The following LINGO2 variants were observed in gnomAD, a reference collection of about 807,000 sequenced individuals.
LINGO2 encodes leucine-rich repeat and immunoglobulin-like domain-containing nogo receptor-interacting protein 2.
A neutral mutation model predicts 30.6 loss-of-function variants in LINGO2; 14 were observed. The observed-to-expected ratio is 0.46, with a 90% CI of 0.30 to 0.72. LINGO2 has a LOEUF of 0.72. LINGO2 is among the 30% of genes least tolerant of loss of function. The pLI is 0.07. For missense variants in LINGO2, 729 were observed against 751.7 expected, an observed-to-expected ratio of 0.97 and a Z score of 0.35; for synonymous variants, 317 against 288.5, an observed-to-expected ratio of 1.10 and a Z score of -1.00.
rs1350799884 is a variant in LINGO2, at chr9:28,652,278, A to G, written c.-365+17922T>C. 2.0e-5 allele frequency among the ~76,000 whole-genome samples: 3 copies of G among 152,134 alleles called. No individual in the cohort carries two copies. In the East Asian group the frequency reaches 5.8e-4, roughly 29 times the overall value. On this transcript the variant is annotated intron_variant, in intron 1 of 5. Transcript: ENST00000379992. The stretch of plus-strand genomic sequence containing the variant: ...AATTATGTTAAGTCAATGTCTTTTC[A>G]TAGACTATTAATTGTGATTTTTTCT...
chr9:28,685,329 G>A, the LINGO2 span, among the ~76,000 whole-genome samples: 2 of 152,026 alleles, frequency 1.3e-5, no homozygotes, highest in African/African-American at 4.8e-5. Flanking sequence ...TCTTCCACCT[G>A]AAGAATTAGA....
At chr9:28,671,200 T>C (rs994310504), upstream of LINGO2, among the ~76,000 whole-genome samples, 8 of 152,042 alleles carry the variant, frequency 5.3e-5, no homozygotes, top group South Asian at 2.1e-4. Context: ...ATCAGCACCA[T>C]GGACGTCTGC....
At chr9:28,215,466 A>T (rs1016621307) in intron 4 of LINGO2, among the ~76,000 whole-genome samples, 14 of 151,894 alleles carry the variant, frequency 9.2e-5, no homozygotes, top group Non-Finnish European at 1.9e-4. Flanking sequence ...TCATTTGCAC[A>T]TGGGAATTAG....
the LINGO2 span, among the ~76,000 whole-genome samples, chr9:29,182,933 T>C: frequency 1.3e-5 from 2 of 152,150 alleles, no homozygotes; most frequent in Non-Finnish European, 2.9e-5. Flanking sequence ...ACTAGAGCTA[T>C]TCATATCTCA....
chr9:28,791,321 C>A, the LINGO2 span, among the ~76,000 whole-genome samples: 1 of 151,984 alleles, frequency 6.6e-6, no homozygotes, highest in East Asian at 1.9e-4. Flanking sequence ...TGTATGTAAT[C>A]TTGAACACTG....
At chr9:28,779,051 T>G in the LINGO2 span, among the ~76,000 whole-genome samples, 1 of 152,196 alleles carries the variant, frequency 6.6e-6, no homozygotes, top group Non-Finnish European at 1.5e-5. Flanking sequence ...CGTACTATTT[T>G]TATAATATGC....
chr9:28,871,181 C>T, the LINGO2 span, among the ~76,000 whole-genome samples: 9 of 151,002 alleles, frequency 6.0e-5, no homozygotes, highest in African/African-American at 1.9e-4. Flanking sequence ...TATGTAGATA[C>T]TAAAGGTATA....
At position 27,949,052 on chromosome 9, in the gene LINGO2, TG is replaced by T; in HGVS notation, c.1619del (p.Thr540LysfsTer56). ...AGCCCATAGCTGTAGACACCAGTAT[TG>T]TTTTAAGGTCCAGGGAAAAAGTATT... On this transcript the variant is annotated frameshift_variant, in exon 6 of 6. Transcript: ENST00000379992. LOFTEE classifies it high-confidence loss of function. 1 of 1,614,128 alleles carries T rather than the reference TG, an allele frequency of 6.2e-7. No individual in the cohort carries two copies. The highest frequency in any genetic ancestry group is 8.5e-7 in the Non-Finnish European group (1 of 1,180,002).
the LINGO2 span, among the ~76,000 whole-genome samples, chr9:28,699,637 A>AT: frequency 6.6e-6 from 1 of 151,992 alleles, no homozygotes; most frequent in Non-Finnish European, 1.5e-5. Context: ...ATAGAGCCAT[A>AT]TTTTTTCTTC....
At chr9:28,257,608 A>C (rs1822425630) in intron 4 of LINGO2, among the ~76,000 whole-genome samples, 1 of 151,950 alleles carries the variant, frequency 6.6e-6, no homozygotes, top group African/African-American at 2.4e-5. Context: ...GGATATCTCA[A>C]AATTTGTACT....
the LINGO2 span, among the ~76,000 whole-genome samples, chr9:28,847,354 A>AT: frequency 4.8e-5 from 7 of 147,318 alleles, no homozygotes; most frequent in African/African-American, 7.7e-5. Flanking sequence ...TCTTTGATCC[A>AT]TTTTTTTTCA....
At chr9:28,350,704 C>T (rs1007466671) in intron 3 of LINGO2, among the ~76,000 whole-genome samples, 5 of 151,704 alleles carry the variant, frequency 3.3e-5, no homozygotes, top group African/African-American at 1.2e-4. Context: ...ACATTTTTTT[C>T]AGCACCACAC....
At chr9:28,143,522 A>G (rs1444213247) in intron 4 of LINGO2, among the ~76,000 whole-genome samples, 1 of 152,164 alleles carries the variant, frequency 6.6e-6, no homozygotes, top group Non-Finnish European at 1.5e-5. Flanking sequence ...AAGGAGCAGG[A>G]AAATGGGCAA....
intron 5 of LINGO2, among the ~76,000 whole-genome samples, chr9:28,006,448 C>T (rs2119198005): frequency 6.6e-6 from 1 of 152,200 alleles, no homozygotes; most frequent in Non-Finnish European, 1.5e-5. Flanking sequence ...TATTCAGCCA[C>T]TGAGAGCAAG....
At chr9:28,117,685 C>CGTCA (rs1826965139) in intron 4 of LINGO2, among the ~76,000 whole-genome samples, 1 of 138,846 alleles carries the variant, frequency 7.2e-6, no homozygotes, top group African/African-American at 2.7e-5. Context: ...CAGGTGCGTC[C>CGTCA]GTCACCCCTT....
At chr9:28,811,091 T>C in the LINGO2 span, among the ~76,000 whole-genome samples, 15 of 152,322 alleles carry the variant, frequency 9.8e-5, no homozygotes, top group Admixed American at 1.3e-4. Context: ...CTTGATTTTA[T>C]GCAAAAACCT....
chr9:28,897,140 A>G, the LINGO2 span, among the ~76,000 whole-genome samples: 2 of 152,182 alleles, frequency 1.3e-5, no homozygotes, highest in Admixed American at 1.3e-4. Context: ...TTTGGTCTAC[A>G]GAGCTAACAC....
intron 4 of LINGO2, among the ~76,000 whole-genome samples, chr9:28,213,194 A>G (rs1820651522): frequency 6.6e-6 from 1 of 151,524 alleles, no homozygotes; most frequent in East Asian, 1.9e-4. Context: ...AAGCTAAGTA[A>G]ACATTAGTCA....
the LINGO2 span, among the ~76,000 whole-genome samples, chr9:28,805,648 T>C: frequency 6.6e-6 from 1 of 152,132 alleles, no homozygotes; most frequent in South Asian, 2.1e-4. Context: ...ACTAACAGGA[T>C]TGGGTTAAGA....
Sources: allele counts gnomAD v4.1 joint callset (sites outside exome capture counted in the v4.1 genomes callset), GRCh38; gene constraint gnomAD v4.1.1; transcripts MANE v1.5; gene names NCBI Gene and HGNC (gene_info 2026-07-23, HGNC 2026-07-21).